ZNF185: variants seen among roughly 807,000 people sequenced by gnomAD.
ZNF185 encodes the protein zinc finger protein 185 with LIM domain, also known as zinc finger protein 185.
A neutral mutation model predicts 58.6 loss-of-function variants in ZNF185; 56 were observed. The ratio of observed to expected loss-of-function variants is 0.95; its 90% CI spans 0.77 to 1.19. ZNF185 has a LOEUF of 1.19. Among genes scored for constraint, ZNF185 ranks in the 50% most tolerant of loss-of-function variants. The pLI, the probability that ZNF185 is intolerant of heterozygous loss-of-function variation, is 0.00. For missense variants in ZNF185, 627 were observed against 573.5 expected (o/e 1.09, Z -0.95); for synonymous variants, 230 against 215.9 (o/e 1.07, Z -0.57).
upstream of ZNF185, among the ~76,000 whole-genome samples, chrX:152,910,195 A>G (rs368137297): frequency 5.5e-3 from 611 of 111,668 alleles, 4 homozygotes; most frequent in African/African-American, 0.018. Flanking sequence ...GGCATGAGCC[A>G]CCACGTCCGG....
chrX:152,911,988 C>T (rs1224406383), upstream of ZNF185, among the ~76,000 whole-genome samples: 3 of 102,219 alleles, frequency 2.9e-5, no homozygotes, highest in African/African-American at 1.1e-4. Flanking sequence ...CCGTCTATCC[C>T]ATCCCATCCA....
intron 9 of ZNF185, among the ~76,000 whole-genome samples, chrX:152,921,431 C>T (rs1194599415): frequency 1.0e-4 from 11 of 106,335 alleles, no homozygotes; most frequent in Admixed American, 1.0e-4. Context: ...TGCACAGGCC[C>T]GGGGTGGGAC....
intron 16 of ZNF185, among the ~76,000 whole-genome samples, chrX:152,953,099 C>A (rs2048456605): frequency 9.0e-6 from 1 of 111,112 alleles, no homozygotes; most frequent in African/African-American, 3.3e-5. Context: ...TTTCCTTGTG[C>A]AATCTCTAGA....
At chrX:152,900,080 C>T in the ZNF185 span, among the ~76,000 whole-genome samples, 1 of 112,224 alleles carries the variant, frequency 8.9e-6, no homozygotes, top group African/African-American at 3.2e-5. Flanking sequence ...CACGTGAGGC[C>T]AGTGATGCCA....
At chrX:152,946,632 G>C (rs1230441190) in intron 16 of ZNF185, among the ~76,000 whole-genome samples, 2 of 111,723 alleles carry the variant, frequency 1.8e-5, no homozygotes, top group East Asian at 2.8e-4. Flanking sequence ...TTCGTTTTGC[G>C]GGGGAGTGTC....
chrX:152,924,110 G>A (rs782398797), intron 11 of ZNF185, among the ~76,000 whole-genome samples: 3 of 110,586 alleles, frequency 2.7e-5, no homozygotes, highest in Non-Finnish European at 5.7e-5. Flanking sequence ...GTGTGCCTGC[G>A]TCCTAATCAC....
chrX:152,938,624 A>G (rs1247077767), intron 15 of ZNF185, among the ~76,000 whole-genome samples: 1 of 110,999 alleles, frequency 9.0e-6, no homozygotes, highest in Non-Finnish European at 1.9e-5. Flanking sequence ...CTGGAAGAGG[A>G]GGCTCAGTGA....
intron 21 of ZNF185, among the ~76,000 whole-genome samples, chrX:152,969,943 GGTT>G (rs1172099110): frequency 8.9e-6 from 1 of 112,101 alleles, no homozygotes; most frequent in Non-Finnish European, 1.9e-5. Flanking sequence ...TGTAACCCCA[GGTT>G]GTTGGTTCCA....
intron 15 of ZNF185, among the ~76,000 whole-genome samples, chrX:152,942,667 A>G (rs893815169): frequency 1.5e-4 from 17 of 112,277 alleles, no homozygotes; most frequent in African/African-American, 5.5e-4. Context: ...CAAATTTTCC[A>G]TCTAGAACAT....
rs1404345891 is a variant in ZNF185 at position 152,966,031 on chromosome X, G to A, written c.1799+504G>A. 3.5e-4 allele frequency among the ~76,000 whole-genome samples: 38 copies of A among 108,105 alleles called. 1 individual carries two copies. Among genetic ancestry groups the A allele is most frequent in the African/African-American group, 1.3e-3 (38 of 29,531 alleles). The allele number at this position is 108,105 out of a possible 115,157, so 93.9% of individuals were successfully genotyped here. On this transcript the variant is annotated intron_variant, in intron 19 of 22. Transcript: ENST00000449285. ...ATTTTAATTAATTTTTTTTTGAGAT[G>A]GAGTCTTGCTCTGTTGCCCAGGCTG... is the stretch of plus-strand genomic sequence containing the variant.
At chrX:152,959,400 G>T (rs1372195721) in intron 16 of ZNF185, among the ~76,000 whole-genome samples, 2 of 112,665 alleles carry the variant, frequency 1.8e-5, no homozygotes, top group South Asian at 3.6e-4. Flanking sequence ...AGATGGCAGT[G>T]GGAGGATGGG....
At chrX:152,907,988 G>A in the ZNF185 span, among the ~76,000 whole-genome samples, 4 of 112,863 alleles carry the variant, frequency 3.5e-5, no homozygotes, top group African/African-American at 1.3e-4. Flanking sequence ...CAAGACACCC[G>A]TGTCATGGCA....
upstream of ZNF185, among the ~76,000 whole-genome samples, chrX:152,909,483 G>C (rs1269225132): frequency 8.9e-6 from 1 of 111,995 alleles, no homozygotes; most frequent in Non-Finnish European, 1.9e-5. Flanking sequence ...GATTGCGTGG[G>C]GTGGGAGAGG....
At chrX:152,941,492 C>G (rs1309013365) in intron 15 of ZNF185, among the ~76,000 whole-genome samples, 1 of 112,940 alleles carries the variant, frequency 8.9e-6, no homozygotes, top group Non-Finnish European at 1.9e-5. Context: ...TGGCACAGAA[C>G]CACACCCCTC....
At chrX:152,908,638 G>A in the ZNF185 span, among the ~76,000 whole-genome samples, 1 of 112,819 alleles carries the variant, frequency 8.9e-6, no homozygotes, top group Non-Finnish European at 1.9e-5. Flanking sequence ...CCTCCAGCGG[G>A]TGAGCATTGC....
chrX:152,970,276 G>A (rs782742632), intron 21 of ZNF185, among the ~76,000 whole-genome samples, 167 bp from the exon 24 acceptor site: 76 of 111,047 alleles, frequency 6.8e-4, no homozygotes, highest in African/African-American at 2.3e-3. Flanking sequence ...GTATTATTTT[G>A]TGATGTTTTT....
intron 15 of ZNF185, 106 bp downstream of exon 17, chrX:152,938,269 A>G (rs2046594677): frequency 3.9e-6 from 3 of 776,074 alleles, no homozygotes; most frequent in Non-Finnish European, 5.6e-6. Flanking sequence ...AAGGTTTGTG[A>G]GCTGGCCTGA....
intron 12 of ZNF185, among the ~76,000 whole-genome samples, chrX:152,929,226 G>A (rs1360872597): frequency 1.8e-5 from 2 of 110,030 alleles, no homozygotes; most frequent in African/African-American, 6.6e-5. Context: ...GGGGAGGGGT[G>A]GGTCAAGGAG....
At position 152,957,526 on chromosome X, in the gene ZNF185, T is replaced by C. The variant is rs1258136758; in HGVS notation, c.1410-2173T>C. The stretch of plus-strand genomic sequence containing the variant: ...AGTCAAGATAATTTTTAGAACTAAC[T>C]ATGATATGAACCCTAAAATTCCTGT... On this transcript the variant is annotated intron_variant, in intron 16 of 22. Coordinates refer to ENST00000449285, the Ensembl canonical transcript of ZNF185. Among the ~76,000 whole-genome samples the C allele has an allele frequency of 2.7e-5, 3 of 112,299 alleles. No homozygotes were observed. The East Asian group carries it at 8.4e-4, about 32-fold the overall frequency.
Sources: allele counts gnomAD v4.1 joint callset (sites outside exome capture counted in the v4.1 genomes callset), GRCh38; gene constraint gnomAD v4.1.1; transcripts MANE v1.5; gene names NCBI Gene and HGNC (gene_info 2026-07-23, HGNC 2026-07-21).